SLC16A4: variants seen among roughly 807,000 people sequenced by gnomAD.
SLC16A4 encodes the protein solute carrier family 16 member 4.
In SLC16A4, 39 loss-of-function variants were observed where a neutral mutation model predicts 47.9. The ratio of observed to expected loss-of-function variants is 0.81; its 90% CI spans 0.63 to 1.06. The LOEUF is 1.06. SLC16A4 is among the 50% of genes least tolerant of loss of function. The pLI is 0.00. For synonymous variants in SLC16A4, 189 were observed against 199.9 expected (o/e 0.95, Z 0.46); for missense variants, 524 against 573.8 (o/e 0.91, Z 0.89).
intron 2 of SLC16A4, among the ~76,000 whole-genome samples, chr1:110,388,082 AG>A (rs933491726): frequency 5.9e-5 from 9 of 152,086 alleles, no homozygotes; most frequent in Non-Finnish European, 1.2e-4. Context: ...AGGGCTGAGT[AG>A]GGGGGAAGTG....
Position 110,379,181 on chromosome 1 carries a change from C to G in SLC16A4, c.702G>C (p.Glu234Asp). 6.2e-7 allele frequency: 1 copy of G among 1,614,150 alleles called. No homozygotes were observed. Among genetic ancestry groups the G allele is most frequent in the East Asian group, 2.2e-5 (1 of 44,886 alleles). Reference sequence around the variant, plus strand: ...GCGTAGTACTGTCCTTGATGGTAGACTCTTCTGTCTCATGGCAGTGTGTTT... The same window carrying G: ...GCGTAGTACTGTCCTTGATGGTAGAGTCTTCTGTCTCATGGCAGTGTGTTT... ...ATETHCHETE[E>D]STIKDSTTQK... The change falls in exon 6 of 9, where the codon GAG (glutamate) becomes GAC (aspartate). Residue 234 changes from glutamate to aspartate, a missense_variant. Transcript: ENST00000369779.
At chr1:110,377,268 G>T in intron 6 of SLC16A4, 107 bp from the exon 7 acceptor site, 2 of 876,504 alleles carry the variant, frequency 2.3e-6, no homozygotes, top group Non-Finnish European at 3.5e-6. Context: ...GCCAGGATAT[G>T]TGAGGAAAAA....
Position 110,379,246 on chromosome 1 carries a change from T to C in SLC16A4, c.637A>G (p.Ser213Gly), listed in dbSNP as rs973938960. ...TCTGGACCATGTGCAGACAAACTGCTGCCTTTATCTTTAATACCAGAATTG... is the reference window on the plus strand; with the variant it reads ...TCTGGACCATGTGCAGACAAACTGCCGCCTTTATCTTTAATACCAGAATTG... The part of the protein sequence containing the change: ...ENNSGIKDKG[S>G]SLSAHGPEAH... Residue 213 changes from serine (S) to glycine (G), a missense_variant, in exon 6 of 9, where the codon AGC becomes GGC. Coordinates refer to ENST00000369779, the MANE Select transcript of SLC16A4 (RefSeq NM_004696.3). The C allele has an allele frequency of 6.2e-7, 1 of 1,614,128 alleles. No homozygotes were observed. Among genetic ancestry groups the C allele is most frequent in the Non-Finnish European group, 8.5e-7 (1 of 1,180,050 alleles).
At chr1:110,381,616 T>C in intron 4 of SLC16A4, 36 bp downstream of exon 4, 1 of 1,592,712 alleles carries the variant, frequency 6.3e-7, no homozygotes, top group East Asian at 2.2e-5. Flanking sequence ...CCACCACTCC[T>C]GGCCTTCTAT....
In SLC16A4 at chr1:110,366,128, A is replaced by ACACACACACACT. The variant is rs1358916877; in HGVS notation, c.1337-2236_1337-2235insAGTGTGTGTGTG. Reference sequence around the variant, plus strand: ...CACACACACACACACACACACACACACACACTCTTTCTCTCTCTCTCACTC... The same window carrying ACACACACACACT: ...CACACACACACACACACACACACACACACACACACACTCACACTCTTTCTCTCTCTCTCACTC... On this transcript the variant is annotated intron_variant, in intron 8 of 8. Coordinates refer to ENST00000369779, the MANE Select transcript of SLC16A4 (RefSeq NM_004696.3). Among the ~76,000 whole-genome samples the ACACACACACACT allele has an allele frequency of 2.4e-4, 34 of 139,904 alleles. 1 individual carries two copies. In the East Asian group the frequency reaches 5.4e-3, roughly 22 times the overall value. 91.8% of individuals were successfully genotyped at this position (139,904 alleles called of 152,430 possible).
intron 6 of SLC16A4, among the ~76,000 whole-genome samples, chr1:110,377,853 G>A (rs1287094348): frequency 5.3e-5 from 8 of 151,690 alleles, no homozygotes; most frequent in East Asian, 1.9e-4. Context: ...TTTTTGAAAC[G>A]GAGTCACGCT....
At chr1:110,364,079 C>T (rs1375116088) in intron 8 of SLC16A4, among the ~76,000 whole-genome samples, 186 bp from the exon 9 acceptor site, 1 of 152,164 alleles carries the variant, frequency 6.6e-6, no homozygotes, top group African/African-American at 2.4e-5. Context: ...GGGACTTACA[C>T]CATCTCCAAT....
intron 6 of SLC16A4, among the ~76,000 whole-genome samples, chr1:110,378,607 T>C (rs1433370984): frequency 6.6e-6 from 1 of 152,172 alleles, no homozygotes; most frequent in Non-Finnish European, 1.5e-5. Flanking sequence ...TGTCAAACAC[T>C]GTTATATGAA....
chr1:110,375,416 T>C, intron 8 of SLC16A4, 42 bp downstream of exon 8: 1 of 1,097,812 alleles, frequency 9.1e-7, no homozygotes. Flanking sequence ...TTTTCTCTTT[T>C]ATTGCTATTG....
At chr1:110,375,371 C>G in intron 8 of SLC16A4, 87 bp downstream of exon 8, 1 of 780,736 alleles carries the variant, frequency 1.3e-6, no homozygotes, top group Non-Finnish European at 2.3e-6. Flanking sequence ...TAACCTGATA[C>G]CATCATTACA....
intron 6 of SLC16A4, 115 bp downstream of exon 6, chr1:110,378,738 G>A (rs1339169714): frequency 7.4e-7 from 1 of 1,352,298 alleles, no homozygotes; most frequent in African/African-American, 1.5e-5. Flanking sequence ...TACTTTCTCT[G>A]GCCCTTCTAC....
At chr1:110,389,992 CAA>C (rs1662948560) in intron 1 of SLC16A4, among the ~76,000 whole-genome samples, 1 of 152,122 alleles carries the variant, frequency 6.6e-6, no homozygotes, top group South Asian at 2.1e-4. Context: ...CAGCATCAGA[CAA>C]TATGCCTTTG....
At chr1:110,367,710 T>C (rs1661465612) in intron 8 of SLC16A4, among the ~76,000 whole-genome samples, 1 of 151,994 alleles carries the variant, frequency 6.6e-6, no homozygotes, top group Non-Finnish European at 1.5e-5. Context: ...ATTTAAAATA[T>C]ATATATATAG....
intron 8 of SLC16A4, among the ~76,000 whole-genome samples, chr1:110,368,413 C>G (rs1352438359): frequency 1.3e-5 from 2 of 152,162 alleles, no homozygotes; most frequent in Non-Finnish European, 2.9e-5. Context: ...AGCTGAAGAC[C>G]TCTGTAAGCA....
At position 110,381,801 on chromosome 1, in the gene SLC16A4, G is replaced by T. The variant is rs762322463; in HGVS notation, c.221-6C>A. On this transcript the variant is annotated splice_polypyrimidine_tract_variant and splice_region_variant and intron_variant, in intron 3 of 8. Transcript: ENST00000369779. ...AATAATAGCAACCAGGGGACCTTAA[G>T]AGAAGAAAGAAAGGCAATTCTTAGG... 1 of 1,608,574 alleles carries T rather than the reference G, an allele frequency of 6.2e-7. No individual in the cohort carries two copies. Among genetic ancestry groups the T allele is most frequent in the Admixed American group, 1.7e-5 (1 of 58,180 alleles).
At chr1:110,382,408 G>A (rs966006276) in intron 3 of SLC16A4, among the ~76,000 whole-genome samples, 7 of 151,888 alleles carry the variant, frequency 4.6e-5, no homozygotes, top group East Asian at 3.9e-4. Context: ...GCAGTGAGCC[G>A]AGATAGCACC....
In SLC16A4 at chr1:110,388,014, T is replaced by C. The variant is rs540829237; in HGVS notation, c.87+1223A>G. Reference sequence around the variant, plus strand: ...TTCTTAGATATCTGCATGTGAACTATAGGATTATTAGAAGGCACCAAGACC... The same window carrying C: ...TTCTTAGATATCTGCATGTGAACTACAGGATTATTAGAAGGCACCAAGACC... On this transcript the variant is annotated intron_variant, in intron 2 of 8. Coordinates refer to ENST00000369779, the MANE Select transcript of SLC16A4 (RefSeq NM_004696.3). Among the ~76,000 whole-genome samples, 13 of 152,248 alleles carry C rather than the reference T, an allele frequency of 8.5e-5. No homozygotes were observed. In the South Asian group the frequency reaches 2.7e-3, roughly 32 times the overall value.
chr1:110,374,431 G>A (rs1014379974), intron 8 of SLC16A4, among the ~76,000 whole-genome samples: 1 of 152,176 alleles, frequency 6.6e-6, no homozygotes, highest in Non-Finnish European at 1.5e-5. Context: ...ACTCCCTTCT[G>A]TCTTACTTCA....
chr1:110,379,482 C>T lies in SLC16A4; in HGVS notation c.527-126G>A, dbSNP rs111268141. 1,140 of 859,474 alleles carry T rather than the reference C, an allele frequency of 1.3e-3. 12 individuals carry two copies. In the African/African-American group the frequency reaches 0.016, roughly 12 times the overall value. 53.2% of individuals were successfully genotyped at this position (859,474 alleles called of 1,614,324 possible). Reference sequence around the variant, plus strand: ...ATTCTTGAAAACATTACTTTGTCTCCGATTTGACTTATTAGTCATATACAC... The same window carrying T: ...ATTCTTGAAAACATTACTTTGTCTCTGATTTGACTTATTAGTCATATACAC... On this transcript the variant is annotated intron_variant, in intron 5 of 8. Coordinates refer to ENST00000369779, the MANE Select transcript of SLC16A4 (RefSeq NM_004696.3).
Sources: allele counts gnomAD v4.1 joint callset (sites outside exome capture counted in the v4.1 genomes callset), GRCh38; gene constraint gnomAD v4.1.1; transcripts MANE v1.5; gene names NCBI Gene and HGNC (gene_info 2026-07-23, HGNC 2026-07-21).